The following CSMD1 variants were observed in gnomAD, a reference collection of about 807,000 sequenced individuals.
The protein encoded by CSMD1 is CUB and Sushi multiple domains 1, also known as CUB and sushi domain-containing protein 1.
In CSMD1, 213 loss-of-function variants were observed where a neutral mutation model predicts 417.5. The ratio of observed to expected loss-of-function variants is 0.51; its 90% confidence interval spans 0.46 to 0.57. The LOEUF (loss-of-function observed/expected upper bound fraction) is 0.57. CSMD1 is among the 20% of genes least tolerant of loss of function. CSMD1 has a pLI of 0.00. For missense variants in CSMD1, 6,923 were observed against 4,529.7 expected (o/e 1.53, Z -15.17); for synonymous variants, 2,862 against 1,736.8 (o/e 1.65, Z -16.11).
intron 7 of CSMD1, among the ~76,000 whole-genome samples, chr8:3,693,213 G>C (rs1426602367): frequency 6.6e-6 from 1 of 152,152 alleles, no homozygotes; most frequent in Non-Finnish European, 1.5e-5. Flanking sequence ...TTCATCAAAT[G>C]CTTGTCACGA....
chr8:4,264,591 G>C (rs1353772862), intron 3 of CSMD1, among the ~76,000 whole-genome samples: 1 of 152,020 alleles, frequency 6.6e-6, no homozygotes, highest in African/African-American at 2.4e-5. Context: ...CTGGTTCCTC[G>C]GCGTTCTAGG....
In CSMD1 at chr8:3,586,261, C is replaced by G; in HGVS notation, c.1098-1G>C. On this transcript the variant is annotated splice_acceptor_variant, in intron 8 of 69. Transcript: ENST00000635120. LOFTEE classifies it high-confidence loss of function. ...TGAAAACTGTACATTTGCACCAACC[C>G]TAAGCCGTTAAAAAAGAAAAAAAAA... is the stretch of plus-strand genomic sequence containing the variant. The G allele has an allele frequency of 6.4e-7, 1 of 1,552,554 alleles. No homozygotes were observed. The highest frequency in any genetic ancestry group is 8.6e-7 in the Non-Finnish European group (1 of 1,159,358).
intron 3 of CSMD1, among the ~76,000 whole-genome samples, chr8:4,307,675 T>C (rs139657861): frequency 2.6e-5 from 4 of 152,122 alleles, no homozygotes. Flanking sequence ...AAATACAAAT[T>C]TGTTGGTGAC....
At chr8:3,439,269 T>C (rs1248277255) in intron 12 of CSMD1, among the ~76,000 whole-genome samples, 1 of 113,292 alleles carries the variant, frequency 8.8e-6, no homozygotes, top group African/African-American at 3.3e-5. Context: ...TTGAGAGCAT[T>C]TGGCAATGTC....
At chr8:4,237,021 C>A (rs747875939) in intron 3 of CSMD1, among the ~76,000 whole-genome samples, 1 of 152,198 alleles carries the variant, frequency 6.6e-6, no homozygotes, top group Non-Finnish European at 1.5e-5. Context: ...CGCTCCATTG[C>A]TTCATGGATA....
Position 3,392,801 on chromosome 8 carries a change from G to C in CSMD1, c.2593+3393C>G, listed in dbSNP as rs376065010. ...CTTCCCCTTCAGCACCGGGTAAACG[G>C]GGACACCCTCTGAGTGGGTTGCGAG... On this transcript the variant is annotated intron_variant, in intron 17 of 69. Transcript: ENST00000635120. 2.6e-5 allele frequency among the ~76,000 whole-genome samples: 4 copies of C among 152,200 alleles called. No individual in the cohort carries two copies. The East Asian group carries it at 5.8e-4, about 22-fold the overall frequency.
chr8:4,382,070 A>G (rs886415361), intron 3 of CSMD1, among the ~76,000 whole-genome samples: 3 of 152,202 alleles, frequency 2.0e-5, no homozygotes, highest in South Asian at 2.1e-4. Context: ...ACTCTCAGCC[A>G]TGACTTTCCT....
At chr8:4,340,802 C>G (rs1367091444) in intron 3 of CSMD1, among the ~76,000 whole-genome samples, 2 of 152,038 alleles carry the variant, frequency 1.3e-5, no homozygotes, top group Admixed American at 1.3e-4. Context: ...AGAGAGTTAA[C>G]TATGCTGCTT....
At position 3,209,865 on chromosome 8, in the gene CSMD1, T is replaced by C. The variant is rs536235889; in HGVS notation, c.4868-4245A>G. Among the ~76,000 whole-genome samples, 5 of 152,216 alleles carry C rather than the reference T, an allele frequency of 3.3e-5. No homozygotes were observed. The South Asian group carries it at 1.0e-3, about 32-fold the overall frequency. ...CATTTGGCTAATTAGAATATATACA[T>C]CTCGTACATAAAAGCAACCACATAG... On this transcript the variant is annotated intron_variant, in intron 30 of 69. Coordinates refer to ENST00000635120, the MANE Select transcript of CSMD1 (RefSeq NM_033225.6).
Position 4,486,250 on chromosome 8 carries a change from C to CATATATATATATATATACATACAT in CSMD1, c.303-66186_303-66185insATGTATGTATATATATATATATAT, listed in dbSNP as rs1563224296. On this transcript the variant is annotated intron_variant, in intron 2 of 69. Transcript: ENST00000635120. ...ACATACATATATATATATATACATA[C>CATATATATATATATATACATACAT]ATATATATATATATATATATATATA... 6.2e-3 allele frequency among the ~76,000 whole-genome samples: 80 copies of CATATATATATATATATACATACAT among 12,906 alleles called. 1 individual carries two copies. The highest frequency in any genetic ancestry group is 0.014 in the South Asian group (4 of 276). The allele number at this position is 12,906 out of a possible 152,430, so 8.5% of individuals were successfully genotyped here.
chr8:4,110,505 C>G (rs1801795018), intron 3 of CSMD1, among the ~76,000 whole-genome samples: 1 of 152,108 alleles, frequency 6.6e-6, no homozygotes, highest in South Asian at 2.1e-4. Flanking sequence ...ATATTATTTT[C>G]CCCTAGCGTG....
chr8:3,704,523 C>T (rs1346866956), intron 7 of CSMD1, among the ~76,000 whole-genome samples: 1 of 152,196 alleles, frequency 6.6e-6, no homozygotes, highest in East Asian at 1.9e-4. Flanking sequence ...AAAAGTGACT[C>T]AAACAGCTAG....
intron 49 of CSMD1, among the ~76,000 whole-genome samples, chr8:3,054,916 G>T (rs1374429707): frequency 1.3e-5 from 2 of 152,206 alleles, no homozygotes; most frequent in Non-Finnish European, 2.9e-5. Flanking sequence ...CCTGAATGCA[G>T]TAAATGCCAG....
chr8:3,493,848 C>T, intron 10 of CSMD1, 122 bp from the exon 11 acceptor site: 1 of 656,042 alleles, frequency 1.5e-6, no homozygotes, highest in South Asian at 2.0e-5. Context: ...GTCAAATGAT[C>T]CCAGAGCTGC....
chr8:4,809,051 G>A (rs1798748956), intron 1 of CSMD1, among the ~76,000 whole-genome samples: 1 of 152,298 alleles, frequency 6.6e-6, no homozygotes, highest in South Asian at 2.1e-4. Context: ...TCACACAGAT[G>A]AGTACAGCTT....
chr8:4,528,270 A>C (rs774864223), intron 2 of CSMD1, among the ~76,000 whole-genome samples: 4 of 152,178 alleles, frequency 2.6e-5, no homozygotes, highest in Non-Finnish European at 5.9e-5. Flanking sequence ...AAGTCCAATT[A>C]ATCCCTACCT....
rs542696612 is a variant in CSMD1, at chr8:3,695,121, T to C, written c.1009+13293A>G. Among the ~76,000 whole-genome samples the C allele has an allele frequency of 1.4e-4, 21 of 149,998 alleles. No individual in the cohort carries two copies. In the South Asian group the frequency reaches 1.9e-3, roughly 14 times the overall value. On this transcript the variant is annotated intron_variant, in intron 7 of 69. Transcript: ENST00000635120. ...GTGTGTGTGTGTGTGTGTGTGGTTA[T>C]TGAAGAAGTGTAGTACAAGGATATT...
intron 3 of CSMD1, among the ~76,000 whole-genome samples, chr8:4,418,997 A>C (rs1446311778): frequency 1.3e-5 from 2 of 152,186 alleles, no homozygotes; most frequent in Admixed American, 6.6e-5. Flanking sequence ...TTTTCTGCTA[A>C]TTTCACTACA....
chr8:4,911,146 T>C (rs759814174), intron 1 of CSMD1, among the ~76,000 whole-genome samples: 2 of 152,238 alleles, frequency 1.3e-5, no homozygotes, highest in African/African-American at 2.4e-5. Flanking sequence ...TCTCCAGTCT[T>C]GGGTATGTCT....
Sources: gnomAD v4.1 joint callset for allele counts (sites outside exome capture counted in the v4.1 genomes callset) on GRCh38, gnomAD v4.1.1 for gene constraint, MANE v1.5 for transcripts, NCBI Gene and HGNC (gene_info 2026-07-23, HGNC 2026-07-21) for gene names.